Variants in ADAMTSL1 observed in about 807,000 individuals in gnomAD.
ADAMTSL1 encodes ADAMTS-like protein 1.
In ADAMTSL1, 126 loss-of-function variants were observed where a neutral mutation model predicts 201.8. That is an observed-to-expected ratio of 0.62 (90% CI 0.54 to 0.72). The LOEUF is 0.72. Ranked by LOEUF, ADAMTSL1 falls within the 30% of genes least tolerant of loss-of-function variation. The pLI is 0.00. For missense variants in ADAMTSL1, 2,679 were observed against 2,277.8 expected, an observed-to-expected ratio of 1.18 and a Z score of -3.59; for synonymous variants, 1,121 against 903.4, an observed-to-expected ratio of 1.24 and a Z score of -4.32.
At chr9:18,781,739 G>A (rs1247943238) in intron 19 of ADAMTSL1, among the ~76,000 whole-genome samples, 4 of 152,330 alleles carry the variant, frequency 2.6e-5, no homozygotes, top group East Asian at 1.9e-4. Context: ...TACCTTCTGA[G>A]CATCTGCAAG....
intron 14 of ADAMTSL1, chr9:18,718,655 G>C (rs566255044): frequency 8.4e-6 from 3 of 355,804 alleles, no homozygotes; most frequent in African/African-American, 4.3e-5. Context: ...GCTCCAGCTG[G>C]TTTACACACC....
At chr9:17,913,986 C>G (rs1825989642) in intron 1 of ADAMTSL1, among the ~76,000 whole-genome samples, 2 of 152,192 alleles carry the variant, frequency 1.3e-5, no homozygotes, top group South Asian at 4.1e-4. Context: ...AGTTGAATCT[C>G]TGAATAGACG....
chr9:18,347,055 T>C (rs899800980), intron 2 of ADAMTSL1, among the ~76,000 whole-genome samples: 1 of 152,210 alleles, frequency 6.6e-6, no homozygotes, highest in African/African-American at 2.4e-5. Context: ...CAGTGGTTTT[T>C]TGACTCAATT....
At chr9:18,794,196 C>T (rs1471850213) in intron 19 of ADAMTSL1, among the ~76,000 whole-genome samples, 2 of 151,966 alleles carry the variant, frequency 1.3e-5, no homozygotes, top group African/African-American at 4.8e-5. Flanking sequence ...ATCACATGAG[C>T]CCAGGAGTTC....
At chr9:18,828,683 TA>T (rs1824766229) in intron 22 of ADAMTSL1, among the ~76,000 whole-genome samples, 1 of 105,838 alleles carries the variant, frequency 9.4e-6, no homozygotes, top group Non-Finnish European at 1.9e-5. Context: ...TATATATATA[TA>T]TATATATATA....
intron 2 of ADAMTSL1, among the ~76,000 whole-genome samples, chr9:18,228,022 A>G (rs892003977): frequency 6.6e-6 from 1 of 152,216 alleles, no homozygotes; most frequent in Non-Finnish European, 1.5e-5. Context: ...CCTCCAGTCC[A>G]TCTTACAAGT....
At chr9:18,289,440 G>A (rs1563861798) in intron 2 of ADAMTSL1, among the ~76,000 whole-genome samples, 1 of 152,146 alleles carries the variant, frequency 6.6e-6, no homozygotes, top group South Asian at 2.1e-4. Context: ...TTTACCAAAA[G>A]CCAGGACCAA....
chr9:18,216,391 A>G (rs1367907336), intron 2 of ADAMTSL1, among the ~76,000 whole-genome samples: 3 of 152,236 alleles, frequency 2.0e-5, no homozygotes, highest in Non-Finnish European at 2.9e-5. Context: ...ATAGCTGTTG[A>G]TCAGGCAGCT....
chr9:17,908,525 C>T (rs928732481), intron 1 of ADAMTSL1, among the ~76,000 whole-genome samples: 1 of 151,888 alleles, frequency 6.6e-6, no homozygotes, highest in Non-Finnish European at 1.5e-5. Context: ...GGTGTGACCT[C>T]GGCTCACTGC....
intron 1 of ADAMTSL1, among the ~76,000 whole-genome samples, chr9:18,126,652 T>C (rs1239760333): frequency 2.6e-5 from 4 of 152,184 alleles, no homozygotes; most frequent in Non-Finnish European, 4.4e-5. Context: ...ACTATTATTA[T>C]AATACTTTGG....
chr9:18,196,224 A>G (rs965885002), intron 2 of ADAMTSL1, among the ~76,000 whole-genome samples: 4 of 152,084 alleles, frequency 2.6e-5, no homozygotes, highest in African/African-American at 9.7e-5. Flanking sequence ...GCTAAGATAA[A>G]TCCATTTGGC....
At chr9:18,311,490 G>T (rs191892616) in intron 2 of ADAMTSL1, among the ~76,000 whole-genome samples, 1 of 152,212 alleles carries the variant, frequency 6.6e-6, no homozygotes, top group East Asian at 1.9e-4. Context: ...CTGCCCAGTA[G>T]CTGGAAGTAG....
rs1039879078 is a variant in ADAMTSL1, at chr9:18,018,283, T to C, written c.87+111361T>C. Among the ~76,000 whole-genome samples, 4 of 152,126 alleles carry C rather than the reference T, an allele frequency of 2.6e-5. No individual in the cohort carries two copies. In the South Asian group the frequency reaches 8.3e-4, roughly 31 times the overall value. ...CGTATAATGTTTTAAGCATTTTTTA[T>C]GTTTAACTCTGTTAATCTTCATACA... is the stretch of plus-strand genomic sequence containing the variant. On this transcript the variant is annotated intron_variant, in intron 1 of 29. Coordinates refer to the ADAMTSL1 transcript ENST00000680146.
At chr9:18,443,480 T>G (rs780137356) in intron 2 of ADAMTSL1, among the ~76,000 whole-genome samples, 36 of 152,340 alleles carry the variant, frequency 2.4e-4, no homozygotes, top group South Asian at 1.2e-3. Flanking sequence ...AGTGAGGTAT[T>G]CTTCTCAGGG....
intron 1 of ADAMTSL1, among the ~76,000 whole-genome samples, chr9:18,097,496 A>G (rs1824303606): frequency 6.6e-6 from 1 of 152,200 alleles, no homozygotes; most frequent in African/African-American, 2.4e-5. Flanking sequence ...CTTCCAGTGT[A>G]TTCTTCAAAG....
chr9:18,440,867 A>T (rs1819965199), intron 2 of ADAMTSL1, among the ~76,000 whole-genome samples: 1 of 152,170 alleles, frequency 6.6e-6, no homozygotes, highest in South Asian at 2.1e-4. Flanking sequence ...ATATTTTAGC[A>T]AATAGGTTAA....
At chr9:18,538,587 C>A (rs1415819718) in intron 3 of ADAMTSL1, among the ~76,000 whole-genome samples, 1 of 151,956 alleles carries the variant, frequency 6.6e-6, no homozygotes, top group Non-Finnish European at 1.5e-5. Context: ...AGATTCATAG[C>A]AAGGGATAAA....
chr9:18,216,999 A>G (rs1399473171), intron 2 of ADAMTSL1, among the ~76,000 whole-genome samples: 3 of 152,060 alleles, frequency 2.0e-5, no homozygotes, highest in Non-Finnish European at 4.4e-5. Flanking sequence ...GAGTTGAGAT[A>G]GGGCTATGAG....
rs1332763835 is a variant in ADAMTSL1 at position 18,775,794 on chromosome 9, A to G, written c.2449A>G (p.Lys817Glu). Residue 817 changes from lysine to glutamate, a missense_variant, in exon 18 of 29, where the codon AAG (lysine) becomes GAG (glutamate). Physicochemically the swap from Lys to Glu is moderately conservative, Grantham distance 56. Transcript: ENST00000380548. The part of the protein sequence containing the change: ...GTQTRSAICR[K>E]MLKTGLSTVV... ...CCAGACTCGAAGCGCCATTTGCCGAAAGATGCTGAAAACCGGCCTCTCAAC... is the reference window on the plus strand; with the variant it reads ...CCAGACTCGAAGCGCCATTTGCCGAGAGATGCTGAAAACCGGCCTCTCAAC... 6.2e-7 allele frequency: 1 copy of G among 1,612,396 alleles called. No homozygotes were observed. The highest frequency in any genetic ancestry group is 1.3e-5 in the African/African-American group (1 of 74,898).
Sources: allele counts gnomAD v4.1 joint callset (sites outside exome capture counted in the v4.1 genomes callset), GRCh38; gene constraint gnomAD v4.1.1; transcripts MANE v1.5; gene names NCBI Gene and HGNC (gene_info 2026-07-23, HGNC 2026-07-21).